The following DPP10 variants were observed in gnomAD, a reference collection of about 807,000 sequenced individuals.
The protein encoded by DPP10 is inactive dipeptidyl peptidase 10.
In DPP10, 33 loss-of-function variants were observed where a neutral mutation model predicts 120.9. The observed-to-expected ratio is 0.27, with a 90% CI of 0.21 to 0.37. DPP10 has a LOEUF of 0.37. Among genes scored for constraint, DPP10 ranks in the 10% least tolerant of loss-of-function variants. DPP10 has a pLI of 1.00. For missense variants in DPP10, 816 were observed against 942.8 expected (o/e 0.87, Z 1.76); for synonymous variants, 337 against 326.1 (o/e 1.03, Z -0.36).
At chr2:114,929,576 G>T (rs1050580511) in intron 1 of DPP10, among the ~76,000 whole-genome samples, 3 of 152,186 alleles carry the variant, frequency 2.0e-5, no homozygotes, top group African/African-American at 4.8e-5. Flanking sequence ...ACTCTGTTCT[G>T]CCTGGCCCCA....
intron 1 of DPP10, among the ~76,000 whole-genome samples, chr2:114,942,009 C>T (rs981083693): frequency 6.6e-6 from 1 of 151,990 alleles, no homozygotes; most frequent in East Asian, 1.9e-4. Context: ...TGCGGTGGCT[C>T]ATGCCTGTAA....
rs377155872 is a variant in DPP10 at position 115,474,066 on chromosome 2, C to G, written c.272-25444C>G. ...CGTGACCTTTAACTCAGGAATGACT[C>G]AATCCTGTCAATATCTAACAATCCC... On this transcript the variant is annotated intron_variant, in intron 3 of 25. Coordinates refer to ENST00000410059, the MANE Select transcript of DPP10 (RefSeq NM_020868.6). Among the ~76,000 whole-genome samples, 25 of 152,290 alleles carry G rather than the reference C, an allele frequency of 1.6e-4. 1 individual carries two copies. In the East Asian group the frequency reaches 4.3e-3, roughly 26 times the overall value.
At chr2:114,873,059 CAG>C (rs772896412) in intron 1 of DPP10, among the ~76,000 whole-genome samples, 1 of 152,114 alleles carries the variant, frequency 6.6e-6, no homozygotes, top group Non-Finnish European at 1.5e-5. Context: ...AACATGAAAA[CAG>C]AGAACAGAAG....
At chr2:115,109,428 C>G (rs947634140) in intron 1 of DPP10, among the ~76,000 whole-genome samples, 3 of 151,994 alleles carry the variant, frequency 2.0e-5, no homozygotes, top group African/African-American at 4.8e-5. Flanking sequence ...CCCAGCTACT[C>G]TGGAGGCTGA....
At chr2:115,679,274 T>G (rs13389521) in intron 5 of DPP10, among the ~76,000 whole-genome samples, 206 of 152,180 alleles carry the variant, frequency 1.4e-3, no homozygotes, top group African/African-American at 4.8e-3. Flanking sequence ...GTTCCCATAA[T>G]CCCTACATGT....
At chr2:114,572,493 G>A (rs1028181654) in intron 1 of DPP10, among the ~76,000 whole-genome samples, 8 of 152,172 alleles carry the variant, frequency 5.3e-5, no homozygotes, top group African/African-American at 1.7e-4. Context: ...ATAAATAAAT[G>A]CCTATTAGAA....
At chr2:115,290,345 A>G (rs2060602044) in intron 1 of DPP10, among the ~76,000 whole-genome samples, 1 of 152,142 alleles carries the variant, frequency 6.6e-6, no homozygotes, top group Non-Finnish European at 1.5e-5. Context: ...AATGTGTCCA[A>G]AATTAAGATG....
chr2:115,622,165 C>T (rs2085000236), intron 5 of DPP10, among the ~76,000 whole-genome samples: 1 of 152,152 alleles, frequency 6.6e-6, no homozygotes, highest in African/African-American at 2.4e-5. Context: ...AATCTCTCCC[C>T]ATTCCCTCTG....
intron 2 of DPP10, among the ~76,000 whole-genome samples, chr2:115,325,412 G>C (rs1183957609): frequency 6.6e-6 from 1 of 152,088 alleles, no homozygotes; most frequent in Admixed American, 6.6e-5. Flanking sequence ...AAATAGAAAA[G>C]AAAGTCAACA....
At chr2:114,914,673 AAGAC>A (rs1422785725) in intron 1 of DPP10, among the ~76,000 whole-genome samples, 1 of 152,194 alleles carries the variant, frequency 6.6e-6, no homozygotes, top group Non-Finnish European at 1.5e-5. Flanking sequence ...TAGCAACAGA[AAGAC>A]AGGATCAAAT....
rs1690261453 is a variant in DPP10, at chr2:115,842,553, T to G, written c.*208T>G. On this transcript the variant is annotated 3_prime_UTR_variant, in exon 26 of 26. Coordinates refer to ENST00000410059, the MANE Select transcript of DPP10 (RefSeq NM_020868.6). The stretch of plus-strand genomic sequence containing the variant: ...GGGGTGCAGAACCCGTTTCTTTGTA[T>G]GAGAGAGGTCAAAGGGTTGGTTTCC... 2.2e-6 allele frequency: 1 copy of G among 451,416 alleles called. No individual in the cohort carries two copies. Among genetic ancestry groups the G allele is most frequent in the South Asian group, 8.1e-5 (1 of 12,386 alleles). The allele number at this position is 451,416 out of a possible 1,614,324, so 28.0% of individuals were successfully genotyped here.
intron 7 of DPP10, among the ~76,000 whole-genome samples, chr2:115,694,394 G>A (rs1031010986): frequency 4.6e-5 from 7 of 152,098 alleles, no homozygotes; most frequent in African/African-American, 1.7e-4. Flanking sequence ...ATAGAAGAGA[G>A]GCAAGGGATT....
intron 1 of DPP10, among the ~76,000 whole-genome samples, chr2:115,140,820 G>A (rs2050888514): frequency 6.6e-6 from 1 of 151,192 alleles, no homozygotes; most frequent in African/African-American, 2.4e-5. Context: ...AAATGGAGTT[G>A]ATAATGGGAA....
At chr2:115,259,583 A>G (rs1017505225) in intron 1 of DPP10, among the ~76,000 whole-genome samples, 27 of 152,172 alleles carry the variant, frequency 1.8e-4, no homozygotes, top group African/African-American at 6.0e-4. Context: ...ACCCTAGAAA[A>G]CCATTTACTT....
chr2:114,821,438 G>A (rs1686080740), intron 1 of DPP10, among the ~76,000 whole-genome samples: 1 of 152,282 alleles, frequency 6.6e-6, no homozygotes, highest in Non-Finnish European at 1.5e-5. Flanking sequence ...TAGACAAGAA[G>A]CATTTTTGCA....
At chr2:114,978,912 C>T (rs1699917338) in intron 1 of DPP10, among the ~76,000 whole-genome samples, 1 of 152,130 alleles carries the variant, frequency 6.6e-6, no homozygotes, top group South Asian at 2.1e-4. Context: ...CCCTAACACA[C>T]TGTTGACATT....
intron 1 of DPP10, among the ~76,000 whole-genome samples, chr2:114,933,052 A>T (rs1696198116): frequency 6.6e-6 from 1 of 152,208 alleles, no homozygotes; most frequent in Non-Finnish European, 1.5e-5. Context: ...AGTTCTATGT[A>T]ATAGACATAG....
In DPP10 at chr2:115,543,506, TC is replaced by T. The variant is rs2079302038; in HGVS notation, c.441+17535del. ...CACAGCCAAATAAATAGAAGTGCAT[TC>T]ATTTTTGCTAAATACTAGATATTTG... On this transcript the variant is annotated intron_variant, in intron 5 of 25. Transcript: ENST00000410059. Among the ~76,000 whole-genome samples, 3 of 152,042 alleles carry T rather than the reference TC, an allele frequency of 2.0e-5. No individual in the cohort carries two copies. In the South Asian group the frequency reaches 6.2e-4, roughly 31 times the overall value.
intron 9 of DPP10, among the ~76,000 whole-genome samples, chr2:115,742,184 A>G (rs1677359328): frequency 6.6e-6 from 1 of 152,158 alleles, no homozygotes; most frequent in Admixed American, 6.6e-5. Flanking sequence ...CTTTTATACA[A>G]GTCACAGTTA....
Sources: allele counts gnomAD v4.1 joint callset (sites outside exome capture counted in the v4.1 genomes callset), GRCh38; gene constraint gnomAD v4.1.1; transcripts MANE v1.5; gene names NCBI Gene and HGNC (gene_info 2026-07-23, HGNC 2026-07-21).